SIGLEC10: variants seen among roughly 807,000 people sequenced by gnomAD.
SIGLEC10 encodes sialic acid-binding Ig-like lectin 10.
SIGLEC10 carries 45 observed loss-of-function variants against 68.3 expected under a neutral mutation model. That is an observed-to-expected ratio of 0.66 (90% CI 0.52 to 0.84). The LOEUF (loss-of-function observed/expected upper bound fraction) is 0.84, where lower values mean the gene tolerates loss of function less well. Ranked by LOEUF, SIGLEC10 falls within the 40% of genes least tolerant of loss-of-function variation. The probability of loss-of-function intolerance (pLI) is 0.00; values close to 1 mark genes in which losing one functional copy is unlikely to be tolerated. For synonymous variants in SIGLEC10, 379 were observed against 370.8 expected (o/e 1.02, Z -0.26); for missense variants, 789 against 883.1 (o/e 0.89, Z 1.35).
chr19:51,415,148 C>T, intron 7 of SIGLEC10, 33 bp downstream of exon 7: 1 of 1,579,108 alleles, frequency 6.3e-7, no homozygotes, highest in Middle Eastern at 1.7e-4. Context: ...GGTCCCCTTC[C>T]TGGGACCCAG....
rs1988582597 is a variant in SIGLEC10 at position 51,415,973 on chromosome 19, C to T, written c.949G>A (p.Asp317Asn). Reference sequence around the variant, plus strand: ...GCTCGGCAGGTGTAGCGCCCTGAATCCCCAGCCTTCACCCCGGGCAGCTCC... The same window carrying T: ...GCTCGGCAGGTGTAGCGCCCTGAATTCCCAGCCTTCACCCCGGGCAGCTCC... Reference protein sequence around the residue: ...GLELPGVKAGDSGRYTCRAEN... With the variant: ...GLELPGVKAGNSGRYTCRAEN... Residue 317 changes from aspartate to asparagine, a missense_variant, in exon 5 of 11, where the codon GAT (aspartate) becomes AAT (asparagine). Coordinates refer to ENST00000339313, the MANE Select transcript of SIGLEC10 (RefSeq NM_033130.5). 1 of 1,613,622 alleles carries T rather than the reference C, an allele frequency of 6.2e-7. No individual in the cohort carries two copies. The highest frequency in any genetic ancestry group is 8.5e-7 in the Non-Finnish European group (1 of 1,179,998).
At position 51,410,683 on chromosome 19, in the gene SIGLEC10, T is replaced by C; in HGVS notation, c.*416A>G. On this transcript the variant is annotated 3_prime_UTR_variant, in exon 11 of 11. Coordinates refer to ENST00000339313, the MANE Select transcript of SIGLEC10 (RefSeq NM_033130.5). Reference sequence around the variant, plus strand: ...TTTTTTTTTGAGATGGAGTCTCGCTTTGTTGCCCAGGCTGGCGTGCAATGG... The same window carrying C: ...TTTTTTTTTGAGATGGAGTCTCGCTCTGTTGCCCAGGCTGGCGTGCAATGG... 1 of 157,712 alleles carries C rather than the reference T, an allele frequency of 6.3e-6. No homozygotes were observed. The highest frequency in any genetic ancestry group is 1.4e-5 in the Non-Finnish European group (1 of 71,704). The allele number at this position is 157,712 out of a possible 1,614,324, so 9.8% of individuals were successfully genotyped here.
At chr19:51,411,461 G>A in intron 10 of SIGLEC10, 90 bp from the exon 11 acceptor site, 1 of 1,507,388 alleles carries the variant, frequency 6.6e-7, no homozygotes, top group Non-Finnish European at 9.0e-7. Context: ...AGCACAGAGT[G>A]AAACTAAGTC....
chr19:51,417,572 G>A lies in SIGLEC10; in HGVS notation c.10C>T (p.Pro4Ser). ...CCCAGCAGCGAGGACAGCAGCAGTG[G>A]CAGTAGCATCTCCGCATAGGAGGCG... is the stretch of plus-strand genomic sequence containing the variant. MLL[P>S]LLLSSLLGGS... The change falls in exon 1 of 11, where the codon CCA becomes TCA. Residue 4 changes from proline to serine, a missense_variant. By Grantham distance (74) the Pro-to-Ser change is moderately conservative. Coordinates refer to ENST00000339313, the MANE Select transcript of SIGLEC10 (RefSeq NM_033130.5). 6.2e-7 allele frequency: 1 copy of A among 1,614,212 alleles called. No homozygotes were observed. The highest frequency in any genetic ancestry group is 8.5e-7 in the Non-Finnish European group (1 of 1,180,006).
chr19:51,414,651 C>T lies in SIGLEC10; in HGVS notation c.1616-136G>A. 1 of 1,353,380 alleles carries T rather than the reference C, an allele frequency of 7.4e-7. No individual in the cohort carries two copies. The highest frequency in any genetic ancestry group is 1.0e-6 in the Non-Finnish European group (1 of 959,346). The allele number at this position is 1,353,380 out of a possible 1,614,324, so 83.8% of individuals were successfully genotyped here. A position where few individuals can be genotyped will look rare whatever the true frequency, so the allele number is the denominator to read the frequency against. On this transcript the variant is annotated intron_variant, in intron 8 of 10. Coordinates refer to ENST00000339313, the MANE Select transcript of SIGLEC10 (RefSeq NM_033130.5). This position sits in a 1 kb window ranked among gnomAD's most constrained non-coding sequence, Gnocchi z 4.1. Reference sequence around the variant, plus strand: ...AACCCCTCTGTTTACTTTTAGGAAACCCTGCCACACCCCGGCCCAGGTGTT... The same window carrying T: ...AACCCCTCTGTTTACTTTTAGGAAATCCTGCCACACCCCGGCCCAGGTGTT...
chr19:51,416,180 GAAAAA>G lies in SIGLEC10; in HGVS notation c.755-18_755-14del, dbSNP rs375392809. 3 of 1,346,362 alleles carry G rather than the reference GAAAAA, an allele frequency of 2.2e-6. No individual in the cohort carries two copies. Among genetic ancestry groups the G allele is most frequent in the Non-Finnish European group, 2.0e-6 (2 of 977,318 alleles). The allele number at this position is 1,346,362 out of a possible 1,614,324, so 83.4% of individuals were successfully genotyped here. A position where few individuals can be genotyped will look rare whatever the true frequency, so the allele number is the denominator to read the frequency against. Reference sequence around the variant, plus strand: ...TGGGGCTCCAGGGCTGGAGTGGGAGGAAAAAAAAAAAAGAGAGAAAGGGAGGGAGA... The same window carrying G: ...TGGGGCTCCAGGGCTGGAGTGGGAGGAAAAAAAGAGAGAAAGGGAGGGAGA... On this transcript the variant is annotated splice_polypyrimidine_tract_variant and intron_variant, in intron 4 of 10. Coordinates refer to ENST00000339313, the MANE Select transcript of SIGLEC10 (RefSeq NM_033130.5).
rs766952654 is a variant in SIGLEC10, at chr19:51,416,825, C to T, written c.547G>A (p.Ala183Thr). The change falls in exon 3 of 11, where the codon GCT becomes ACT. Residue 183 changes from alanine to threonine, a missense_variant. Transcript: ENST00000339313. ...CPPPSFSWTG[A>T]ALSSQGTKPT... The stretch of plus-strand genomic sequence containing the variant: ...TTGGTTCCTTGGGAGGAGAGGGCAG[C>T]CCCCGTCCAGGAGAAAGAAGGGGGT... 8 of 1,614,072 alleles carry T rather than the reference C, an allele frequency of 5.0e-6. No individual in the cohort carries two copies. The East Asian group carries it at 1.8e-4, about 36-fold the overall frequency.
rs1342898622 is a variant in SIGLEC10 at position 51,416,040 on chromosome 19, G to C, written c.882C>G (p.Val294=). 6.2e-7 allele frequency: 1 copy of C among 1,613,070 alleles called. No homozygotes were observed. Among genetic ancestry groups the C allele is most frequent in the East Asian group, 2.2e-5 (1 of 44,870 alleles). ...GGCCCCAGGGATGGGACGAGGAGAG[G>C]ACTCTGTTCTGCAGGACCCAGCTCA... ...ATLSWVLQNR[V]LSSSHPWGPR... The change falls in exon 5 of 11, where the codon GTC becomes GTG. Residue 294 remains valine (V), a synonymous_variant. Coordinates refer to ENST00000339313, the MANE Select transcript of SIGLEC10 (RefSeq NM_033130.5).
At position 51,414,028 on chromosome 19, in the gene SIGLEC10, G is replaced by A. The variant is rs1988268664; in HGVS notation, c.1710-205C>T. ...TTAAAGGAAGGGGTCAGGGGAAGAA[G>A]AAGAGGGTTCCCTGCTACTAGTGAG... On this transcript the variant is annotated intron_variant, in intron 9 of 10. Transcript: ENST00000339313. This position sits in a 1 kb window ranked among gnomAD's most constrained non-coding sequence, Gnocchi z 4.1. Among the ~76,000 whole-genome samples the A allele has an allele frequency of 6.6e-6, 1 of 152,208 alleles. No homozygotes were observed. The highest frequency in any genetic ancestry group is 1.5e-5 in the Non-Finnish European group (1 of 68,032).
rs1988494527 is a variant in SIGLEC10 at position 51,415,326 on chromosome 19, C to T, written c.1185G>A (p.Arg395=). The change falls in exon 7 of 11, where the codon AGG becomes AGA. Residue 395 remains arginine, a synonymous_variant. Transcript: ENST00000339313. The part of the protein sequence containing the change: ...SPPARLSWTQ[R]GQVLSPSQPS... The stretch of plus-strand genomic sequence containing the variant: ...GCTGGGAGGGGCTCAGAACCTGTCC[C>T]CTCTGGGTCCAGCTCAGCCTGGCTG... The T allele has an allele frequency of 1.2e-6, 2 of 1,613,746 alleles. No individual in the cohort carries two copies. Among genetic ancestry groups the T allele is most frequent in the African/African-American group, 2.7e-5 (2 of 75,036 alleles).
chr19:51,415,831 C>T, intron 5 of SIGLEC10, 67 bp downstream of exon 5: 1 of 1,580,070 alleles, frequency 6.3e-7, no homozygotes, highest in Non-Finnish European at 8.6e-7. Flanking sequence ...GCTCTGGGAC[C>T]CTGAGCCCAG....
rs1189518986 is a variant in SIGLEC10 at position 51,414,580 on chromosome 19, A to T, written c.1616-65T>A. On this transcript the variant is annotated intron_variant, in intron 8 of 10. Coordinates refer to ENST00000339313, the MANE Select transcript of SIGLEC10 (RefSeq NM_033130.5). This position sits in a 1 kb window ranked among gnomAD's most constrained non-coding sequence, Gnocchi z 4.1. Reference sequence around the variant, plus strand: ...GCAGGGCTCACGAAGCCCGCTCATCACTCGGCATTAAGGCTTCCGGTTCCC... The same window carrying T: ...GCAGGGCTCACGAAGCCCGCTCATCTCTCGGCATTAAGGCTTCCGGTTCCC... The T allele has an allele frequency of 2.0e-5, 30 of 1,522,010 alleles. 1 individual carries two copies. The Admixed American group carries it at 4.8e-4, about 24-fold the overall frequency. The allele number at this position is 1,522,010 out of a possible 1,614,324, so 94.3% of individuals were successfully genotyped here.
intron 10 of SIGLEC10, among the ~76,000 whole-genome samples, 175 bp downstream of exon 10, chr19:51,413,537 G>T (rs772252706): frequency 3.9e-5 from 6 of 152,180 alleles, no homozygotes; most frequent in Admixed American, 3.3e-4. Flanking sequence ...AGGCTCAGAG[G>T]GGGTGAGTGA....
At chr19:51,416,411 T>C (rs1250717527) in intron 3 of SIGLEC10, 54 bp from the exon 4 acceptor site, 1 of 1,613,406 alleles carries the variant, frequency 6.2e-7, no homozygotes, top group East Asian at 2.2e-5. Context: ...TCCTCACACC[T>C]GGAAAAAACT....
In SIGLEC10 at chr19:51,415,886, G is replaced by A. The variant is rs3810101; in HGVS notation, c.1024+12C>T. 284,159 of 1,463,680 alleles carry A rather than the reference G, an allele frequency of 0.19. 26,203 individuals are homozygous for A. Among genetic ancestry groups the A allele is most frequent in the African/African-American group, 0.35 (24,357 of 70,522 alleles). The allele number at this position is 1,463,680 out of a possible 1,614,324, so 90.7% of individuals were successfully genotyped here. A position where few individuals can be genotyped will look rare whatever the true frequency, so the allele number is the denominator to read the frequency against. On this transcript the variant is annotated intron_variant, in intron 5 of 10. Coordinates refer to ENST00000339313, the MANE Select transcript of SIGLEC10 (RefSeq NM_033130.5). ...TCCCAATGGACTCCAGGCCCCTGCT[G>A]GGCACACTCACACTGCACAGAGAGG...
In SIGLEC10 at chr19:51,414,674, G is replaced by A. The variant is rs1318642614; in HGVS notation, c.1615+150C>T. The A allele has an allele frequency of 2.1e-6, 3 of 1,410,118 alleles. No individual in the cohort carries two copies. The highest frequency in any genetic ancestry group is 3.0e-6 in the Non-Finnish European group (3 of 1,008,082). The allele number at this position is 1,410,118 out of a possible 1,614,324, so 87.4% of individuals were successfully genotyped here. A position where few individuals can be genotyped will look rare whatever the true frequency, so the allele number is the denominator to read the frequency against. On this transcript the variant is annotated intron_variant, in intron 8 of 10. Coordinates refer to ENST00000339313, the MANE Select transcript of SIGLEC10 (RefSeq NM_033130.5). The surrounding 1 kb of genome is among the most constrained non-coding windows in gnomAD (Gnocchi z 4.1). The stretch of plus-strand genomic sequence containing the variant: ...AACCCTGCCACACCCCGGCCCAGGT[G>A]TTAGGACTTCCCATTGTGTTTTCCT...
At chr19:51,417,014 C>T (rs1390187544) in intron 2 of SIGLEC10, 64 bp from the exon 3 acceptor site, 17 of 1,594,846 alleles carry the variant, frequency 1.1e-5, no homozygotes, top group Non-Finnish European at 1.5e-5. Context: ...CCTCTCTGCT[C>T]AGCCCATAGG....
rs555268636 is a variant in SIGLEC10 at position 51,416,675 on chromosome 19, G to A, written c.697C>T (p.Arg233Cys). The stretch of plus-strand genomic sequence containing the variant: ...CCCAGGCCACACTCACAGGCCACAC[G>A]GAGTCGGACGGTCCTCTGTGCGCTC... ...GVSAQRTVRL[R>C]VAYAPRDLVI... is the part of the protein sequence containing the mutation. Residue 233 changes from arginine to cysteine, a missense_variant, in exon 3 of 11, where the codon CGT becomes TGT. Arg to Cys is a radical substitution (Grantham distance 180, BLOSUM62 -3). Transcript: ENST00000339313. 2.0e-5 allele frequency: 33 copies of A among 1,613,580 alleles called. No homozygotes were observed. Among genetic ancestry groups the A allele is most frequent in the African/African-American group, 9.3e-5 (7 of 75,024 alleles).
rs369755808 is a variant in SIGLEC10, at chr19:51,412,891, C to T, written c.1821+821G>A. On this transcript the variant is annotated intron_variant, in intron 10 of 10. Transcript: ENST00000339313. ...CAAGAGATCCTCCCACCTCAGCCTCCCAAGTAGCTGGGACAATGGGCATGC... is the reference window on the plus strand; with the variant it reads ...CAAGAGATCCTCCCACCTCAGCCTCTCAAGTAGCTGGGACAATGGGCATGC... Among the ~76,000 whole-genome samples the T allele has an allele frequency of 4.6e-5, 7 of 152,042 alleles. No individual in the cohort carries two copies. In the East Asian group the frequency reaches 1.3e-3, roughly 29 times the overall value.
Sources: allele counts gnomAD v4.1 joint callset (sites outside exome capture counted in the v4.1 genomes callset), GRCh38; gene constraint gnomAD v4.1.1; non-coding constraint Gnocchi (gnomAD v3.1); transcripts MANE v1.5; gene names NCBI Gene and HGNC (gene_info 2026-07-23, HGNC 2026-07-21).